RALGAPA1: variants seen among roughly 807,000 people sequenced by gnomAD.
The protein encoded by RALGAPA1 is Ral GTPase activating protein catalytic subunit alpha 1.
RALGAPA1 carries 52 observed loss-of-function variants against 269.6 expected under a neutral mutation model. That is an observed-to-expected ratio of 0.19 (90% CI 0.15 to 0.24). The LOEUF (loss-of-function observed/expected upper bound fraction) is 0.24, where lower values mean the gene tolerates loss of function less well. RALGAPA1 is among the 10% of genes least tolerant of loss of function. RALGAPA1 has a pLI of 1.00. For synonymous variants in RALGAPA1, 817 were observed against 1,008.3 expected (o/e 0.81, Z 3.60); for missense variants, 1,917 against 3,013.9 (o/e 0.64, Z 8.52).
intron 22 of RALGAPA1, among the ~76,000 whole-genome samples, chr14:35,674,963 A>G (rs2064819896): frequency 6.6e-6 from 1 of 152,170 alleles, no homozygotes; most frequent in Non-Finnish European, 1.5e-5. Context: ...CTCTGCAGAT[A>G]GAGAAATTTC....
intron 39 of RALGAPA1, among the ~76,000 whole-genome samples, chr14:35,557,887 C>T (rs189581023): frequency 1.8e-4 from 27 of 152,176 alleles, no homozygotes; most frequent in African/African-American, 5.1e-4. Context: ...TATAATACTG[C>T]AATATAATTT....
intron 1 of RALGAPA1, among the ~76,000 whole-genome samples, chr14:35,778,878 G>T (rs2081218490): frequency 6.6e-6 from 1 of 152,128 alleles, no homozygotes; most frequent in South Asian, 2.1e-4. Flanking sequence ...GCACTCCACA[G>T]AAACTAATTC....
intron 39 of RALGAPA1, among the ~76,000 whole-genome samples, chr14:35,549,995 C>T (rs1162887098): frequency 6.6e-6 from 1 of 152,170 alleles, no homozygotes; most frequent in Non-Finnish European, 1.5e-5. Flanking sequence ...TCCTTTTCAC[C>T]ACATTTTCTT....
chr14:35,583,195 C>T lies in RALGAPA1; in HGVS notation c.7210-10477G>A, dbSNP rs2058062951. Among the ~76,000 whole-genome samples the T allele has an allele frequency of 3.9e-5, 6 of 151,960 alleles. No homozygotes were observed. The South Asian group carries it at 1.2e-3, about 32-fold the overall frequency. On this transcript the variant is annotated intron_variant, in intron 37 of 41. Transcript: ENST00000680220. Reference sequence around the variant, plus strand: ...ACTATGGTTAACATGCTATGGGGCTCTAATGGAAAAAGTAGACAACATTTA... The same window carrying T: ...ACTATGGTTAACATGCTATGGGGCTTTAATGGAAAAAGTAGACAACATTTA...
intron 21 of RALGAPA1, 115 bp downstream of exon 21, chr14:35,683,694 A>G (rs2065665751): frequency 7.4e-6 from 6 of 808,186 alleles, no homozygotes; most frequent in Non-Finnish European, 1.1e-5. Context: ...AAGATGAATG[A>G]AAAAATATAC....
At chr14:35,631,180 G>A (rs1366335928) in intron 33 of RALGAPA1, among the ~76,000 whole-genome samples, 2 of 152,146 alleles carry the variant, frequency 1.3e-5, no homozygotes, top group African/African-American at 4.8e-5. Flanking sequence ...TTGCACATGA[G>A]GACAAATGGG....
rs186497299 is a variant in RALGAPA1, at chr14:35,717,429, C to T, written c.2266+4259G>A. Among the ~76,000 whole-genome samples the T allele has an allele frequency of 1.7e-4, 26 of 149,414 alleles. No individual in the cohort carries two copies. In the East Asian group the frequency reaches 4.2e-3, roughly 24 times the overall value. On this transcript the variant is annotated intron_variant, in intron 16 of 41. Transcript: ENST00000680220. ...CCTCCCAAAGTTCTGGGATTACAGG[C>T]GTGAGCCACTGCGCCCAGCCTATTC...
intron 1 of RALGAPA1, among the ~76,000 whole-genome samples, chr14:35,807,499 A>C (rs1302419416): frequency 1.3e-5 from 2 of 152,196 alleles, no homozygotes; most frequent in African/African-American, 4.8e-5. Context: ...TAAAAAAACA[A>C]ACTAGAGACA....
chr14:35,540,075 G>A (rs539521835), intron 41 of RALGAPA1, among the ~76,000 whole-genome samples: 79 of 152,182 alleles, frequency 5.2e-4, no homozygotes, highest in Non-Finnish European at 9.1e-4. Context: ...CAAGAAAAGA[G>A]CCTTCACTAC....
chr14:35,691,087 A>AT (rs1413471032), intron 17 of RALGAPA1, among the ~76,000 whole-genome samples: 147 of 149,484 alleles, frequency 9.8e-4, no homozygotes, highest in South Asian at 7.6e-3. Context: ...AATAATAATA[A>AT]TAATTATTAT....
chr14:35,650,438 C>A (rs989642713), intron 31 of RALGAPA1, among the ~76,000 whole-genome samples: 2 of 151,836 alleles, frequency 1.3e-5, no homozygotes, highest in African/African-American at 2.4e-5. Flanking sequence ...AAGTATATGT[C>A]TCTTTTAAAG....
intron 1 of RALGAPA1, among the ~76,000 whole-genome samples, chr14:35,792,312 A>C (rs555906466): frequency 6.6e-6 from 1 of 152,064 alleles, no homozygotes; most frequent in African/African-American, 2.4e-5. Flanking sequence ...GCCTGCCACC[A>C]CGCCCAGCTA....
chr14:35,668,755 C>T (rs1440860611), intron 26 of RALGAPA1, among the ~76,000 whole-genome samples: 3 of 152,026 alleles, frequency 2.0e-5, no homozygotes, highest in African/African-American at 7.3e-5. Flanking sequence ...CAGTGAGCCT[C>T]GATTGTGCCA....
Position 35,686,543 on chromosome 14 carries a change from G to A in RALGAPA1, c.4076C>T (p.Ser1359Leu), listed in dbSNP as rs76969155. The change falls in exon 19 of 42, where the codon TCG becomes TTG. Residue 1359 changes from serine (S) to leucine (L), a missense_variant and splice_region_variant. Physicochemically the swap from Ser to Leu is moderately radical, Grantham distance 145. Coordinates refer to ENST00000680220, the MANE Select transcript of RALGAPA1 (RefSeq NM_001346249.2). ...CCAAATATATAAAATAAAACTTACC[G>A]AGGCATTACCACTTCGAAGTCGTTC... Reference protein sequence around the residue: ...IAERLRSGNASTMTRRGSSPG... With the variant: ...IAERLRSGNALTMTRRGSSPG... 9.9e-4 allele frequency: 1,573 copies of A among 1,594,540 alleles called. 12 individuals carry two copies. In the African/African-American group the frequency reaches 0.019, roughly 19 times the overall value.
At chr14:35,623,088 A>G (rs1354175448) in intron 35 of RALGAPA1, among the ~76,000 whole-genome samples, 3 of 152,006 alleles carry the variant, frequency 2.0e-5, no homozygotes, top group East Asian at 1.9e-4. Context: ...GTCTCAAAAA[A>G]AAAAAAAAAA....
intron 1 of RALGAPA1, among the ~76,000 whole-genome samples, chr14:35,793,868 A>G (rs143056115): frequency 6.6e-6 from 1 of 152,266 alleles, no homozygotes; most frequent in East Asian, 1.9e-4. Flanking sequence ...ATTTTATTCA[A>G]TCCTATAAGC....
At chr14:35,739,257 T>C (rs987666017) in intron 11 of RALGAPA1, among the ~76,000 whole-genome samples, 1 of 152,218 alleles carries the variant, frequency 6.6e-6, no homozygotes, top group Non-Finnish European at 1.5e-5. Context: ...TTCTTCCTTC[T>C]TGTCATTCAC....
rs560769505 is a variant in RALGAPA1 at position 35,657,613 on chromosome 14, T to C, written c.5387+1525A>G. Among the ~76,000 whole-genome samples, 11 of 152,056 alleles carry C rather than the reference T, an allele frequency of 7.2e-5. No individual in the cohort carries two copies. In the East Asian group the frequency reaches 2.1e-3, roughly 29 times the overall value. On this transcript the variant is annotated intron_variant, in intron 28 of 41. Transcript: ENST00000680220. The stretch of plus-strand genomic sequence containing the variant: ...ATAACACAAGCTGTTGTGTTAATGA[T>C]TTCCAGGTCTACCTCTAGACAGCTA...
Position 35,686,648 on chromosome 14 carries a change from C to T in RALGAPA1, c.3971G>A (p.Ser1324Asn). The T allele has an allele frequency of 6.3e-7, 1 of 1,577,952 alleles. No homozygotes were observed. The highest frequency in any genetic ancestry group is 2.3e-5 in the East Asian group (1 of 44,330). Reference sequence around the variant, plus strand: ...ACTATTAAGAGGAGGCAGTTTTTGGCTCATGTCCTCTTTATTGACTAAAAA... The same window carrying T: ...ACTATTAAGAGGAGGCAGTTTTTGGTTCATGTCCTCTTTATTGACTAAAAA... ...RKAAVNKEDM[S>N]QKLPPLNSDI... The change falls in exon 19 of 42, where the codon AGC becomes AAC. Residue 1324 changes from serine (S) to asparagine (N), a missense_variant. Physicochemically the swap from Ser to Asn is conservative, Grantham distance 46. Coordinates refer to ENST00000680220, the MANE Select transcript of RALGAPA1 (RefSeq NM_001346249.2).
Sources: gnomAD v4.1 joint callset for allele counts (sites outside exome capture counted in the v4.1 genomes callset) on GRCh38, gnomAD v4.1.1 for gene constraint, MANE v1.5 for transcripts, NCBI Gene and HGNC (gene_info 2026-07-23, HGNC 2026-07-21) for gene names.